Variants in HIBADH observed in about 807,000 individuals in gnomAD.
HIBADH encodes 3-hydroxyisobutyrate dehydrogenase, also known as 3-hydroxyisobutyrate dehydrogenase, mitochondrial.
HIBADH carries 25 observed loss-of-function variants against 36.1 expected under a neutral mutation model. The ratio of observed to expected loss-of-function variants is 0.69; its 90% confidence interval spans 0.50 to 0.97. The LOEUF is 0.97. Ranked by LOEUF, HIBADH falls within the 50% of genes least tolerant of loss-of-function variation. The pLI, the probability that HIBADH is intolerant of heterozygous loss-of-function variation, is 0.00. For synonymous variants in HIBADH, 160 were observed against 149.5 expected (o/e 1.07, Z -0.51); for missense variants, 421 against 418.0 (o/e 1.01, Z -0.06).
chr7:27,541,137 T>C (rs1413523010), intron 5 of HIBADH, among the ~76,000 whole-genome samples: 18 of 151,978 alleles, frequency 1.2e-4, no homozygotes, highest in African/African-American at 4.1e-4. Flanking sequence ...GCATCCTTTT[T>C]TTTTTTTTTT....
chr7:27,544,462 C>A (rs1784204816), intron 4 of HIBADH, among the ~76,000 whole-genome samples: 1 of 152,130 alleles, frequency 6.6e-6, no homozygotes, highest in African/African-American at 2.4e-5. Context: ...TATACAAAAA[C>A]CCAATTTATA....
At chr7:27,563,190 CACTCAT>C (rs1784492666) in intron 4 of HIBADH, among the ~76,000 whole-genome samples, 1 of 152,178 alleles carries the variant, frequency 6.6e-6, no homozygotes, top group Admixed American at 6.5e-5. Flanking sequence ...TGACTTCTTT[CACTCAT>C]ACAATGCCTT....
intron 4 of HIBADH, among the ~76,000 whole-genome samples, chr7:27,543,703 CAATAT>C (rs1784192742): frequency 6.6e-6 from 1 of 152,120 alleles, no homozygotes; most frequent in Non-Finnish European, 1.5e-5. Flanking sequence ...ATGTACTTTT[CAATAT>C]TATTTGATTT....
intron 4 of HIBADH, among the ~76,000 whole-genome samples, chr7:27,569,076 TTC>T (rs1784590183): frequency 1.3e-5 from 2 of 152,240 alleles, no homozygotes; most frequent in East Asian, 1.9e-4. Flanking sequence ...TTCATGTAAT[TTC>T]TGTCTCCAAA....
At chr7:27,625,982 A>G (rs1562649779) in intron 4 of HIBADH, among the ~76,000 whole-genome samples, 2 of 151,708 alleles carry the variant, frequency 1.3e-5, no homozygotes, top group African/African-American at 4.8e-5. Context: ...GGCGCCTGTA[A>G]TCTCAGCTAC....
chr7:27,649,226 GCCCTCT>G, intron 2 of HIBADH: 1 of 336,276 alleles, frequency 3.0e-6, no homozygotes, highest in Non-Finnish European at 5.3e-6. Flanking sequence ...CTAAAACAAG[GCCCTCT>G]GACCAAATGT....
chr7:27,655,691 T>C (rs940546463), intron 1 of HIBADH, among the ~76,000 whole-genome samples: 1 of 152,070 alleles, frequency 6.6e-6, no homozygotes, highest in African/African-American at 2.4e-5. Context: ...AAGAAAAACA[T>C]GAATAATTTT....
chr7:27,636,606 C>G (rs1785845481), intron 2 of HIBADH, among the ~76,000 whole-genome samples: 1 of 152,146 alleles, frequency 6.6e-6, no homozygotes, highest in Admixed American at 6.5e-5. Flanking sequence ...AAAATGGTTT[C>G]CAAGTTTTTA....
chr7:27,624,292 C>G (rs1290658611), intron 4 of HIBADH, among the ~76,000 whole-genome samples: 1 of 152,186 alleles, frequency 6.6e-6, no homozygotes. Flanking sequence ...GCCACATTAC[C>G]TGACTTCAAA....
At chr7:27,529,400 G>T (rs1402430837) in intron 7 of HIBADH, among the ~76,000 whole-genome samples, 1 of 152,154 alleles carries the variant, frequency 6.6e-6, no homozygotes, top group African/African-American at 2.4e-5. Context: ...GAATATTTGT[G>T]ATTCATGGGA....
At chr7:27,629,521 T>G in intron 3 of HIBADH, 29 bp from the exon 4 acceptor site, 1 of 1,468,706 alleles carries the variant, frequency 6.8e-7, no homozygotes, top group Non-Finnish European at 9.1e-7. Context: ...ATATTTGTAG[T>G]TTACAACTCT....
intron 2 of HIBADH, among the ~76,000 whole-genome samples, chr7:27,638,308 CAAAAAAAAAA>C (rs368715218): frequency 7.2e-5 from 4 of 55,472 alleles, no homozygotes; most frequent in African/African-American, 1.5e-4. Context: ...TTGGCAAAGT[CAAAAAAAAAA>C]AAAAAAAAAA....
intron 4 of HIBADH, among the ~76,000 whole-genome samples, chr7:27,599,365 T>C (rs1408392468): frequency 2.0e-5 from 3 of 152,206 alleles, no homozygotes; most frequent in African/African-American, 7.2e-5. Flanking sequence ...TTTAAATCCT[T>C]TGTATTTCAA....
chr7:27,590,681 T>A (rs1980329), intron 4 of HIBADH, among the ~76,000 whole-genome samples: 115,223 of 152,118 alleles, frequency 0.76, 44,066 homozygotes, highest in East Asian at 0.94. Flanking sequence ...CTGTAAAGCA[T>A]TCTGAAGGTA....
At chr7:27,635,951 T>C (rs1385642488) in intron 2 of HIBADH, among the ~76,000 whole-genome samples, 1 of 152,262 alleles carries the variant, frequency 6.6e-6, no homozygotes, top group East Asian at 1.9e-4. Flanking sequence ...TTCTCTGAAT[T>C]AGACTTTGAT....
intron 4 of HIBADH, among the ~76,000 whole-genome samples, chr7:27,585,258 C>A (rs1784842670): frequency 8.8e-6 from 1 of 113,726 alleles, no homozygotes; most frequent in Admixed American, 9.0e-5. Context: ...TATATACACA[C>A]GTGTGTATGT....
chr7:27,585,977 T>C (rs997032611), intron 4 of HIBADH, among the ~76,000 whole-genome samples: 2 of 152,210 alleles, frequency 1.3e-5, no homozygotes, highest in African/African-American at 4.8e-5. Flanking sequence ...TCTAAGAAGA[T>C]AGGTGGTTAT....
intron 6 of HIBADH, 63 bp downstream of exon 6, chr7:27,538,278 A>G: frequency 8.1e-7 from 1 of 1,235,210 alleles, no homozygotes. Flanking sequence ...TTTTTTTAAC[A>G]TCAGAAAATC....
intron 1 of HIBADH, among the ~76,000 whole-genome samples, chr7:27,654,967 G>A (rs529426002): frequency 6.6e-6 from 1 of 152,254 alleles, no homozygotes; most frequent in South Asian, 2.1e-4. Context: ...GAGCGCAGGC[G>A]TGAGCCACCG....
Sources: allele counts gnomAD v4.1 joint callset (sites outside exome capture counted in the v4.1 genomes callset), GRCh38; gene constraint gnomAD v4.1.1; transcripts MANE v1.5; gene names NCBI Gene and HGNC (gene_info 2026-07-23, HGNC 2026-07-21).